Variants in SYN3 observed in about 807,000 individuals in gnomAD.
SYN3 encodes the protein synapsin III, also known as synapsin-3.
Under a neutral mutation model 65.8 loss-of-function variants are expected in SYN3, and 35 were observed. The ratio of observed to expected loss-of-function variants is 0.53; its 90% CI spans 0.41 to 0.70. SYN3 has a LOEUF of 0.70. Among genes scored for constraint, SYN3 ranks in the 30% least tolerant of loss-of-function variants. The probability of loss-of-function intolerance (pLI) is 0.00; values close to 1 mark genes in which losing one functional copy is unlikely to be tolerated. For missense variants in SYN3, 680 were observed against 749.0 expected (o/e 0.91, Z 1.08); for synonymous variants, 270 against 292.9 (o/e 0.92, Z 0.80).
intron 7 of SYN3, among the ~76,000 whole-genome samples, chr22:32,572,278 C>CTTCCTTTCCTTCCTTCCTTCCCCA (rs2058772821): frequency 1.1e-5 from 1 of 87,444 alleles, no homozygotes; most frequent in Non-Finnish European, 2.2e-5. Flanking sequence ...TTCCCCCCTC[C>CTTCCTTTCCTTCCTTCCTTCCCCA]CTCCCTCCCT....
chr22:32,963,897 A>C (rs1035063237), intron 3 of SYN3, among the ~76,000 whole-genome samples: 1 of 152,170 alleles, frequency 6.6e-6, no homozygotes, highest in African/African-American at 2.4e-5. Context: ...AATGAATGCA[A>C]AGTTTGGGGT....
chr22:32,645,310 G>C (rs2059967386), intron 6 of SYN3, among the ~76,000 whole-genome samples: 1 of 151,938 alleles, frequency 6.6e-6, no homozygotes, highest in African/African-American at 2.4e-5. Context: ...AATTAGCCGG[G>C]CATGGTGGCG....
chr22:33,050,741 C>T (rs932528870), intron 1 of SYN3, among the ~76,000 whole-genome samples: 2 of 152,148 alleles, frequency 1.3e-5, no homozygotes, highest in Non-Finnish European at 1.5e-5. Context: ...TGGATCCCTC[C>T]CTCAGTACAT....
At chr22:32,932,787 G>T (rs1029036939) in intron 3 of SYN3, among the ~76,000 whole-genome samples, 1 of 152,132 alleles carries the variant, frequency 6.6e-6, no homozygotes, top group South Asian at 2.1e-4. Context: ...TGCTGTAATA[G>T]GTGGCTTAAA....
At chr22:32,595,903 C>T (rs2059191967) in intron 7 of SYN3, among the ~76,000 whole-genome samples, 1 of 152,094 alleles carries the variant, frequency 6.6e-6, no homozygotes, top group African/African-American at 2.4e-5. Context: ...ATGGTGAAAC[C>T]CAGTCTTTAC....
chr22:32,757,294 CTTTT>C (rs148259174), intron 6 of SYN3, among the ~76,000 whole-genome samples: 11 of 113,134 alleles, frequency 9.7e-5, no homozygotes, highest in African/African-American at 1.4e-4. Flanking sequence ...CTCCTCCTAC[CTTTT>C]TTTTTTTTTT....
intron 2 of SYN3, among the ~76,000 whole-genome samples, chr22:32,981,624 A>G (rs1022608095): frequency 2.0e-5 from 3 of 151,438 alleles, no homozygotes; most frequent in African/African-American, 7.3e-5. Flanking sequence ...ATTGTGCTAC[A>G]TATTTCTAAG....
At chr22:32,726,625 A>T (rs1601995312) in intron 6 of SYN3, among the ~76,000 whole-genome samples, 1 of 152,304 alleles carries the variant, frequency 6.6e-6, no homozygotes, top group African/African-American at 2.4e-5. Context: ...ATGAGAGCTC[A>T]TGTTTTGCAA....
At chr22:33,016,903 T>G (rs1391478582) in intron 1 of SYN3, among the ~76,000 whole-genome samples, 5 of 152,230 alleles carry the variant, frequency 3.3e-5, no homozygotes, top group African/African-American at 1.2e-4. Context: ...TTTAGTTTGA[T>G]GCAATTCCAT....
chr22:32,604,525 ATGTCTCCGC>A, intron 6 of SYN3, among the ~76,000 whole-genome samples: 1 of 108,540 alleles, frequency 9.2e-6, no homozygotes, highest in Admixed American at 1.1e-4. Flanking sequence ...TCTCATACTC[ATGTCTCCGC>A]TGAGATACCC....
At chr22:32,920,542 C>A (rs1344462752) in intron 4 of SYN3, among the ~76,000 whole-genome samples, 1 of 152,226 alleles carries the variant, frequency 6.6e-6, no homozygotes, top group Non-Finnish European at 1.5e-5. Flanking sequence ...GGAGGGCTAT[C>A]AAGACAGCTG....
At chr22:32,961,250 C>T (rs1045607168) in intron 3 of SYN3, among the ~76,000 whole-genome samples, 2 of 152,132 alleles carry the variant, frequency 1.3e-5, no homozygotes, top group East Asian at 1.9e-4. Context: ...GCAAAAATCA[C>T]CCCTGGTTGT....
intron 6 of SYN3, among the ~76,000 whole-genome samples, chr22:32,676,577 G>T (rs1170552489): frequency 8.4e-6 from 1 of 118,682 alleles, no homozygotes; most frequent in African/African-American, 3.5e-5. Flanking sequence ...TCGCTCCGTT[G>T]CCCAGGCTGG....
chr22:32,882,078 AG>A (rs2049157207), intron 4 of SYN3, among the ~76,000 whole-genome samples: 1 of 148,024 alleles, frequency 6.8e-6, no homozygotes, highest in African/African-American at 2.5e-5. Flanking sequence ...AGGAACCTCG[AG>A]GGTTTCCTGG....
At chr22:32,754,764 C>T (rs946368490) in intron 6 of SYN3, among the ~76,000 whole-genome samples, 40 of 152,240 alleles carry the variant, frequency 2.6e-4, no homozygotes, top group African/African-American at 9.6e-4. Context: ...GGAAGGTGAG[C>T]GTCTCCATGT....
intron 13 of SYN3, among the ~76,000 whole-genome samples, chr22:32,517,094 C>T (rs1366100903): frequency 6.6e-6 from 1 of 152,190 alleles, no homozygotes; most frequent in Non-Finnish European, 1.5e-5. Flanking sequence ...AAAATGACTG[C>T]AATGATTCCT....
chr22:32,603,658 A>C (rs2059320488), intron 6 of SYN3, among the ~76,000 whole-genome samples: 1 of 152,078 alleles, frequency 6.6e-6, no homozygotes, highest in African/African-American at 2.4e-5. Flanking sequence ...GTCGAAGGCC[A>C]TTCCCACTTC....
chr22:32,652,891 C>G (rs1282698756), intron 6 of SYN3, among the ~76,000 whole-genome samples: 2 of 152,106 alleles, frequency 1.3e-5, no homozygotes, highest in African/African-American at 4.8e-5. Context: ...GCTTAGGTGT[C>G]GAGGAAAAGA....
chr22:33,056,577 A>G (rs2076972918), intron 1 of SYN3, among the ~76,000 whole-genome samples: 1 of 152,242 alleles, frequency 6.6e-6, no homozygotes, highest in Non-Finnish European at 1.5e-5. Context: ...GGAGGGATTG[A>G]GACCTCTCTT....
Sources: gnomAD v4.1 joint callset for allele counts (sites outside exome capture counted in the v4.1 genomes callset) on GRCh38, gnomAD v4.1.1 for gene constraint, MANE v1.5 for transcripts, NCBI Gene and HGNC (gene_info 2026-07-23, HGNC 2026-07-21) for gene names.